The following MACROD2 variants were observed in gnomAD, a reference collection of about 807,000 sequenced individuals.
The protein encoded by MACROD2 is mono-ADP ribosylhydrolase 2.
In MACROD2, 36 loss-of-function variants were observed where a neutral mutation model predicts 70.4. The ratio of observed to expected loss-of-function variants is 0.51; its 90% CI spans 0.39 to 0.68. The LOEUF is 0.68. MACROD2 is among the 30% of genes least tolerant of loss of function. MACROD2 has a pLI of 0.00. For missense variants in MACROD2, 496 were observed against 538.4 expected (o/e 0.92, Z 0.78); for synonymous variants, 172 against 178.8 (o/e 0.96, Z 0.30).
chr20:15,321,040 C>G (rs2077868967), intron 6 of MACROD2, among the ~76,000 whole-genome samples: 1 of 152,154 alleles, frequency 6.6e-6, no homozygotes, highest in South Asian at 2.1e-4. Flanking sequence ...TATGAACTCT[C>G]TTCTTTGTGG....
intron 8 of MACROD2, among the ~76,000 whole-genome samples, chr20:15,666,995 C>A (rs975872009): frequency 3.3e-5 from 5 of 152,020 alleles, no homozygotes; most frequent in Admixed American, 6.6e-5. Flanking sequence ...TTTTTGTTTT[C>A]TTTTTCTATC....
chr20:14,257,669 T>C (rs951406411), intron 3 of MACROD2, among the ~76,000 whole-genome samples: 1 of 152,200 alleles, frequency 6.6e-6, no homozygotes, highest in African/African-American at 2.4e-5. Flanking sequence ...TGCATAACTT[T>C]TAAAATTTAT....
chr20:14,599,237 C>T, intron 4 of MACROD2, among the ~76,000 whole-genome samples: 1 of 152,144 alleles, frequency 6.6e-6, no homozygotes, highest in East Asian at 1.9e-4. Flanking sequence ...GCAAAGGCTT[C>T]CAGGAGAGAG....
chr20:14,547,851 C>G (rs1978370350), intron 4 of MACROD2, among the ~76,000 whole-genome samples: 1 of 152,130 alleles, frequency 6.6e-6, no homozygotes. Context: ...AATGGCTTCT[C>G]TTTTTCCAGC....
At chr20:14,841,113 A>G (rs915532065) in intron 5 of MACROD2, among the ~76,000 whole-genome samples, 2 of 152,190 alleles carry the variant, frequency 1.3e-5, no homozygotes, top group Non-Finnish European at 2.9e-5. Flanking sequence ...TTTGACCAAT[A>G]TGAGAAATAT....
chr20:15,544,547 G>C (rs903112016), intron 8 of MACROD2, among the ~76,000 whole-genome samples: 1 of 152,156 alleles, frequency 6.6e-6, no homozygotes, highest in South Asian at 2.1e-4. Context: ...CCTGCGAGGA[G>C]AGTCAGACTT....
chr20:14,477,412 T>C (rs2084608237), intron 3 of MACROD2, among the ~76,000 whole-genome samples: 1 of 152,172 alleles, frequency 6.6e-6, no homozygotes, highest in South Asian at 2.1e-4. Flanking sequence ...GGTAAACTAT[T>C]ACTACGTTTT....
chr20:15,169,904 A>C (rs1043101826), intron 5 of MACROD2, among the ~76,000 whole-genome samples: 6 of 152,046 alleles, frequency 3.9e-5, no homozygotes, highest in African/African-American at 9.7e-5. Context: ...TTTTGTTGTC[A>C]CTGTATTTTA....
At chr20:15,215,880 A>T (rs879821423) in intron 5 of MACROD2, among the ~76,000 whole-genome samples, 2 of 152,158 alleles carry the variant, frequency 1.3e-5, no homozygotes, top group Non-Finnish European at 2.9e-5. Context: ...TACCAGAAGA[A>T]TAAGTCAAGG....
chr20:14,573,343 G>T (rs1301325775), intron 4 of MACROD2, among the ~76,000 whole-genome samples: 1 of 151,944 alleles, frequency 6.6e-6, no homozygotes, highest in African/African-American at 2.4e-5. Context: ...CATTGATTGT[G>T]GTATGCCAAG....
chr20:15,253,329 T>C (rs893966195), intron 6 of MACROD2, among the ~76,000 whole-genome samples: 1 of 152,212 alleles, frequency 6.6e-6, no homozygotes, highest in Non-Finnish European at 1.5e-5. Context: ...TGATATTTAC[T>C]ATCTGGCCTT....
chr20:15,133,825 A>C, intron 5 of MACROD2, among the ~76,000 whole-genome samples: 1 of 152,088 alleles, frequency 6.6e-6, no homozygotes, highest in Non-Finnish European at 1.5e-5. Context: ...AAGAATTATG[A>C]AAATCTTTTA....
At position 15,089,239 on chromosome 20, in the gene MACROD2, C is replaced by A. The variant is rs193091233; in HGVS notation, c.419-140701C>A. 2.1e-3 allele frequency among the ~76,000 whole-genome samples: 314 copies of A among 152,248 alleles called. 3 individuals carry two copies. The highest frequency in any genetic ancestry group is 6.9e-3 in the African/African-American group (286 of 41,566). ...GTAATCCACAGATTCTTGTGCAATT[C>A]AGCTGTATTATCTCTTATAGCTCCT... On this transcript the variant is annotated intron_variant, in intron 5 of 17. Transcript: ENST00000684519.
intron 4 of MACROD2, among the ~76,000 whole-genome samples, chr20:14,591,015 TTA>T (rs1300199767): frequency 1.3e-5 from 2 of 152,174 alleles, no homozygotes; most frequent in African/African-American, 4.8e-5. Flanking sequence ...CATTTTGATG[TTA>T]TACGAAACTG....
At chr20:14,702,615 A>G (rs1251258369) in intron 5 of MACROD2, among the ~76,000 whole-genome samples, 2 of 62,382 alleles carry the variant, frequency 3.2e-5, no homozygotes, top group African/African-American at 6.0e-5. Flanking sequence ...ATATATGTGT[A>G]TATATATATA....
intron 8 of MACROD2, among the ~76,000 whole-genome samples, chr20:15,721,480 A>G (rs1183053095): frequency 8.5e-5 from 13 of 152,168 alleles, no homozygotes; most frequent in Non-Finnish European, 1.9e-4. Flanking sequence ...TGTATTTTTT[A>G]GTACAAAAAA....
intron 5 of MACROD2, among the ~76,000 whole-genome samples, chr20:15,134,900 G>C (rs1007309253): frequency 1.3e-5 from 2 of 152,072 alleles, no homozygotes; most frequent in African/African-American, 4.8e-5. Flanking sequence ...CGATCCCACA[G>C]AAATACAAAC....
intron 2 of MACROD2, among the ~76,000 whole-genome samples, chr20:14,075,641 T>C (rs1377581990): frequency 6.6e-6 from 1 of 152,212 alleles, no homozygotes; most frequent in African/African-American, 2.4e-5. Context: ...CTCTTGAATC[T>C]TTTGATGTTT....
chr20:15,470,271 G>A (rs1450286813), intron 7 of MACROD2, among the ~76,000 whole-genome samples: 1 of 152,070 alleles, frequency 6.6e-6, no homozygotes, highest in African/African-American at 2.4e-5. Flanking sequence ...GGATGGTCTC[G>A]ATCTCCTGAC....
Sources: allele counts gnomAD v4.1 joint callset (sites outside exome capture counted in the v4.1 genomes callset), GRCh38; gene constraint gnomAD v4.1.1; transcripts MANE v1.5; gene names NCBI Gene and HGNC (gene_info 2026-07-23, HGNC 2026-07-21).